Variants in HIP1R observed in about 807,000 individuals in gnomAD.
The protein encoded by HIP1R is huntingtin-interacting protein 1-related protein.
A neutral mutation model predicts 144.2 loss-of-function variants in HIP1R; 135 were observed. The ratio of observed to expected loss-of-function variants is 0.94; its 90% CI spans 0.81 to 1.08. The LOEUF is 1.08. HIP1R is among the 50% of genes least tolerant of loss of function. HIP1R has a pLI of 0.00. For missense variants in HIP1R, 1,462 were observed against 1,432.8 expected (o/e 1.02, Z -0.33); for synonymous variants, 698 against 612.8 (o/e 1.14, Z -2.05).
At position 122,857,096 on chromosome 12, in the gene HIP1R, C is replaced by T. The variant is rs749155510; in HGVS notation, c.1696C>T (p.Arg566Trp). Reference protein sequence around the residue: ...KDALSGAVRQREADLLAAQSL... With the variant: ...KDALSGAVRQWEADLLAAQSL... ...TGCTCTGAGTGGAGCTGTGCGGCAG[C>T]GGGAGGCAGACCTGCTGGCGGCGCA... The change falls in exon 18 of 32, where the codon CGG becomes TGG. Residue 566 changes from arginine (R) to tryptophan (W), a missense_variant. This residue lies in a region of HIP1R where 1,112 missense variants were observed against 1,011.7 expected (regional missense o/e 1.10). Transcript: ENST00000253083. 1.7e-5 allele frequency: 27 copies of T among 1,551,236 alleles called. No individual in the cohort carries two copies. Among genetic ancestry groups the T allele is most frequent in the Middle Eastern group, 1.8e-4 (1 of 5,690 alleles).
Position 122,859,024 on chromosome 12 carries a change from T to TG in HIP1R, c.2159-29dup, listed in dbSNP as rs386767139. ...TGGGGGTCCTTATGGAGCCTGTCGG[T>TG]GGGGGGGGCTCCACTCACGGTCCTT... On this transcript the variant is annotated intron_variant, in intron 21 of 31. Transcript: ENST00000253083. The TG allele has an allele frequency of 3.6e-5, 58 of 1,606,350 alleles. 1 individual carries two copies. The highest frequency in any genetic ancestry group is 1.6e-4 in the Middle Eastern group (1 of 6,068).
At chr12:122,859,388 G>T (rs74483054) in intron 22 of HIP1R, 38 bp from the exon 23 acceptor site, 17 of 1,566,718 alleles carry the variant, frequency 1.1e-5, no homozygotes, top group Non-Finnish European at 1.3e-5. Flanking sequence ...GACGGGGGGG[G>T]ACGGAGGCTA....
chr12:122,849,973 G>A lies in HIP1R; in HGVS notation c.438+18G>A, dbSNP rs1334639205. On this transcript the variant is annotated intron_variant, in intron 5 of 31. Coordinates refer to ENST00000253083, the MANE Select transcript of HIP1R (RefSeq NM_003959.3). ...ACCTCAAGGTGGTTTCCTCGGGGGA[G>A]TCATGGGGCTGAGGGACCCGTGGGC... The A allele has an allele frequency of 6.3e-7, 1 of 1,588,090 alleles. No homozygotes were observed.
chr12:122,844,058 C>T (rs1243109202), intron 1 of HIP1R, among the ~76,000 whole-genome samples: 1 of 152,122 alleles, frequency 6.6e-6, no homozygotes, highest in African/African-American at 2.4e-5. Flanking sequence ...AGGCTGGTCT[C>T]AAACTCCTGA....
At position 122,862,205 on chromosome 12, in the gene HIP1R, A is replaced by T. The variant is rs1215429079; in HGVS notation, c.*452A>T. The T allele has an allele frequency of 6.1e-6, 1 of 165,050 alleles. No homozygotes were observed. The highest frequency in any genetic ancestry group is 1.3e-5 in the Non-Finnish European group (1 of 77,006). 10.2% of individuals were successfully genotyped at this position (165,050 alleles called of 1,614,324 possible). The stretch of plus-strand genomic sequence containing the variant: ...CACACAGCCCGTGCCGGCTGATGGG[A>T]CGAGGGTCAGGCATCCTGTCTGTGG... On this transcript the variant is annotated 3_prime_UTR_variant, in exon 32 of 32. Transcript: ENST00000253083.
chr12:122,844,898 A>T lies in HIP1R; in HGVS notation c.94-3133A>T, dbSNP rs532666035. 3.3e-5 allele frequency among the ~76,000 whole-genome samples: 5 copies of T among 152,332 alleles called. No individual in the cohort carries two copies. In the East Asian group the frequency reaches 7.7e-4, roughly 23 times the overall value. On this transcript the variant is annotated intron_variant, in intron 1 of 31. Coordinates refer to ENST00000253083, the MANE Select transcript of HIP1R (RefSeq NM_003959.3). ...GAGGGGCCACATGGGGCACAAATGC[A>T]GGCTAGAGAACCCAGGGACAGGCCT...
At chr12:122,853,995 G>A (rs2033477018) in intron 7 of HIP1R, 48 bp from the exon 8 acceptor site, 1 of 1,590,648 alleles carries the variant, frequency 6.3e-7, no homozygotes, top group Non-Finnish European at 8.6e-7. Context: ...TGGACAGGTT[G>A]CCCAGCTCCC....
At chr12:122,849,252 G>A (rs2033303239) in intron 4 of HIP1R, among the ~76,000 whole-genome samples, 1 of 152,256 alleles carries the variant, frequency 6.6e-6, no homozygotes, top group Non-Finnish European at 1.5e-5. Context: ...GAGAGCCCTG[G>A]GGGGCCTGCA....
rs1334152539 is a variant in HIP1R at position 122,860,138 on chromosome 12, G to T, written c.2497-10G>T. The T allele has an allele frequency of 2.5e-6, 4 of 1,586,692 alleles. No homozygotes were observed. In the East Asian group the frequency reaches 9.0e-5, roughly 36 times the overall value. On this transcript the variant is annotated splice_polypyrimidine_tract_variant and intron_variant, in intron 25 of 31. Coordinates refer to ENST00000253083, the MANE Select transcript of HIP1R (RefSeq NM_003959.3). ...AGGGCCACCAGTCATTGCTGTCTTG[G>T]TCTCGGCAGGCTATCCGGCTCCTGG...
In HIP1R at chr12:122,856,614, TC is replaced by T; in HGVS notation, c.1519-9del. ...AGCCCACTGCCCCAGTGACACGCTG[TC>T]CTGTCCCAGCTAGAGGAGAAGAGCG... On this transcript the variant is annotated splice_polypyrimidine_tract_variant and intron_variant, in intron 16 of 31. Transcript: ENST00000253083. 1.2e-6 allele frequency: 2 copies of T among 1,602,250 alleles called. No individual in the cohort carries two copies. The highest frequency in any genetic ancestry group is 1.7e-6 in the Non-Finnish European group (2 of 1,174,376).
At position 122,862,725 on chromosome 12, in the gene HIP1R, G is replaced by A. The variant is rs553430409; in HGVS notation, c.*972G>A. 3.3e-5 allele frequency: 5 copies of A among 152,116 alleles called. No individual in the cohort carries two copies. Among genetic ancestry groups the A allele is most frequent in the African/African-American group, 9.6e-5 (4 of 41,490 alleles). 9.4% of individuals were successfully genotyped at this position (152,116 alleles called of 1,614,324 possible). On this transcript the variant is annotated 3_prime_UTR_variant, in exon 32 of 32. Transcript: ENST00000253083. ...GTGTCCCTTGAGCCCAAGGAGAGCGGCAGGAGGGGTGGGACCAGGCTGGGA... is the reference window on the plus strand; with the variant it reads ...GTGTCCCTTGAGCCCAAGGAGAGCGACAGGAGGGGTGGGACCAGGCTGGGA...
intron 1 of HIP1R, among the ~76,000 whole-genome samples, chr12:122,847,337 C>A (rs562682755): frequency 6.6e-6 from 1 of 152,072 alleles, no homozygotes; most frequent in African/African-American, 2.4e-5. Context: ...ATAGGTGGAG[C>A]GGGAGGGATG....
At position 122,861,308 on chromosome 12, in the gene HIP1R, G is replaced by A. The variant is rs369404250; in HGVS notation, c.2953G>A (p.Val985Met). The change falls in exon 31 of 32, where the codon GTG becomes ATG. Residue 985 changes from valine (V) to methionine (M), a missense_variant and splice_region_variant. By Grantham distance (21) the Val-to-Met change is conservative. Transcript: ENST00000253083. ...GGCTGAGCAGGCCGTGTGGCTACAGGTGCGTGTCCTGGAGCTGGAGAAGAC... is the reference window on the plus strand; with the variant it reads ...GGCTGAGCAGGCCGTGTGGCTACAGATGCGTGTCCTGGAGCTGGAGAAGAC... ...KLKKQEMETQ[V>M]RVLELEKTLE... 10 of 1,613,580 alleles carry A rather than the reference G, an allele frequency of 6.2e-6. No homozygotes were observed. The Admixed American group carries it at 1.2e-4, about 19-fold the overall frequency.
intron 8 of HIP1R, 129 bp downstream of exon 8, chr12:122,854,312 C>A: frequency 1.8e-6 from 1 of 557,204 alleles, no homozygotes. Flanking sequence ...AACCCACTGC[C>A]CATTAATAGA....
rs1362730910 is a variant in HIP1R at position 122,860,137 on chromosome 12, G to A, written c.2497-11G>A. On this transcript the variant is annotated splice_polypyrimidine_tract_variant and intron_variant, in intron 25 of 31. Transcript: ENST00000253083. ...GAGGGCCACCAGTCATTGCTGTCTT[G>A]GTCTCGGCAGGCTATCCGGCTCCTG... is the stretch of plus-strand genomic sequence containing the variant. 1.9e-6 allele frequency: 3 copies of A among 1,585,946 alleles called. No homozygotes were observed. The South Asian group carries it at 3.5e-5, about 18-fold the overall frequency.
Position 122,854,061 on chromosome 12 carries a change from C to T in HIP1R, c.596C>T (p.Thr199Met), listed in dbSNP as rs201202945. The stretch of plus-strand genomic sequence containing the variant: ...TGCACAGTTTTCCGACAGCTCAACA[C>T]GGCCATCGCCGTATCCCAGATGTCC... ...LSESVFRQLN[T>M]AIAVSQMSSG... The change falls in exon 8 of 32, where the codon ACG becomes ATG. Residue 199 changes from threonine (T) to methionine (M), a missense_variant. Around this residue, in one of 2 missense-constraint regions of HIP1R, gnomAD observed 350 missense variants for 421.1 expected, o/e 0.83. Coordinates refer to ENST00000253083, the MANE Select transcript of HIP1R (RefSeq NM_003959.3). 53 of 1,613,634 alleles carry T rather than the reference C, an allele frequency of 3.3e-5. No homozygotes were observed. The highest frequency in any genetic ancestry group is 4.5e-5 in the East Asian group (2 of 44,852).
In HIP1R at chr12:122,856,396, GGCA is replaced by G. The variant is rs761491833; in HGVS notation, c.1402-31_1402-29del. ...GCCGGTGGCAGGGCCTCTCGGGGAT[GGCA>G]GCAGAGCATGAGCCCTTCCCCTGCC... On this transcript the variant is annotated intron_variant, in intron 15 of 31. Coordinates refer to ENST00000253083, the MANE Select transcript of HIP1R (RefSeq NM_003959.3). 5 of 1,608,236 alleles carry G rather than the reference GGCA, an allele frequency of 3.1e-6. No individual in the cohort carries two copies. The African/African-American group carries it at 4.0e-5, about 13-fold the overall frequency.
intron 9 of HIP1R, 31 bp from the exon 10 acceptor site, chr12:122,855,022 C>A: frequency 6.2e-7 from 1 of 1,613,768 alleles, no homozygotes; most frequent in Non-Finnish European, 8.5e-7. Context: ...GTGGCCCCTT[C>A]CTGAACCCGA....
chr12:122,855,915 G>A lies in HIP1R; in HGVS notation c.1128+12G>A, dbSNP rs1158174389. The stretch of plus-strand genomic sequence containing the variant: ...AGATCAAGCTGGAGGTGCGGGGTGG[G>A]GATGGGTGGGGGCCAGGGCCCCTCA... On this transcript the variant is annotated intron_variant, in intron 13 of 31. Transcript: ENST00000253083. 6 of 1,562,388 alleles carry A rather than the reference G, an allele frequency of 3.8e-6. No homozygotes were observed. In the South Asian group the frequency reaches 4.7e-5, roughly 12 times the overall value.
Sources: allele counts gnomAD v4.1 joint callset (sites outside exome capture counted in the v4.1 genomes callset), GRCh38; gene constraint gnomAD v4.1.1; regional missense constraint gnomAD v4.1.1; transcripts MANE v1.5; gene names NCBI Gene and HGNC (gene_info 2026-07-23, HGNC 2026-07-21).